The following ITPR1 variants were observed in gnomAD, a reference collection of about 807,000 sequenced individuals.
ITPR1 encodes the protein inositol 1,4,5-trisphosphate receptor type 1, also known as inositol 1,4,5-trisphosphate-gated calcium channel ITPR1.
A neutral mutation model predicts 318.4 loss-of-function variants in ITPR1; 96 were observed. The ratio of observed to expected loss-of-function variants is 0.30; its 90% CI spans 0.26 to 0.36. The LOEUF is 0.36. Ranked by LOEUF, ITPR1 falls within the 10% of genes least tolerant of loss-of-function variation. The probability of loss-of-function intolerance (pLI) is 1.00; values close to 1 mark genes in which losing one functional copy is unlikely to be tolerated. For synonymous variants in ITPR1, 1,312 were observed against 1,289.9 expected, an observed-to-expected ratio of 1.02 and a Z score of -0.37; for missense variants, 2,440 against 3,460.2, an observed-to-expected ratio of 0.71 and a Z score of 7.40.
chr3:4,691,878 G>A (rs975881669), intron 32 of ITPR1, among the ~76,000 whole-genome samples: 14 of 152,180 alleles, frequency 9.2e-5, no homozygotes, highest in Non-Finnish European at 1.5e-4. Flanking sequence ...TGAGGCCAAC[G>A]TGGTGGCTCA....
In ITPR1 at chr3:4,735,325, C is replaced by T; in HGVS notation, c.5515C>T (p.Leu1839Phe). ...TGAAAGCATTCTCCTGGCCATTGCCCTTCTGGAAGGAGGCAACACCACCAT... is the reference window on the plus strand; with the variant it reads ...TGAAAGCATTCTCCTGGCCATTGCCTTTCTGGAAGGAGGCAACACCACCAT... ...FHESILLAIA[L>F]LEGGNTTIQH... The change falls in exon 44 of 62, where the codon CTT becomes TTT. Residue 1839 changes from leucine to phenylalanine, a missense_variant. By Grantham distance (22) the Leu-to-Phe change is conservative (BLOSUM62 0). Transcript: ENST00000649015. The T allele has an allele frequency of 6.2e-7, 1 of 1,613,928 alleles. No homozygotes were observed. Among genetic ancestry groups the T allele is most frequent in the African/African-American group, 1.3e-5 (1 of 75,016 alleles).
rs373123594 is a variant in ITPR1 at position 4,675,019 on chromosome 3, G to A, written c.2599-49G>A. The A allele has an allele frequency of 2.7e-5, 27 of 985,456 alleles. No individual in the cohort carries two copies. The African/African-American group carries it at 3.3e-4, about 12-fold the overall frequency. The allele number at this position is 985,456 out of a possible 1,614,324, so 61.0% of individuals were successfully genotyped here. ...GGTCAACATCAAATGGAATTGAAGG[G>A]GATGCAGTTTATGTAATACCGTCTT... is the stretch of plus-strand genomic sequence containing the variant. On this transcript the variant is annotated intron_variant, in intron 22 of 61. Transcript: ENST00000649015.
intron 4 of ITPR1, among the ~76,000 whole-genome samples, chr3:4,589,750 T>C: frequency 6.9e-6 from 1 of 145,338 alleles, no homozygotes; most frequent in South Asian, 2.3e-4. Context: ...CTCATTAAGA[T>C]TACCCAGAAG....
chr3:4,574,797 A>G (rs2088446986), intron 4 of ITPR1, among the ~76,000 whole-genome samples: 1 of 152,222 alleles, frequency 6.6e-6, no homozygotes. Flanking sequence ...GCCTGTTCCC[A>G]CCGCCTCATG....
intron 20 of ITPR1, among the ~76,000 whole-genome samples, chr3:4,672,223 A>G (rs2094102999): frequency 6.6e-6 from 1 of 152,212 alleles, no homozygotes; most frequent in South Asian, 2.1e-4. Context: ...TTACTAAGCA[A>G]TTCTAAATTG....
chr3:4,800,781 G>A (rs542884776), intron 54 of ITPR1, among the ~76,000 whole-genome samples, 181 bp downstream of exon 54: 2 of 152,310 alleles, frequency 1.3e-5, no homozygotes, highest in African/African-American at 2.4e-5. Context: ...TGACCTCCGC[G>A]TGGTGCAGTG....
At chr3:4,572,381 T>TA (rs1244489341) in intron 4 of ITPR1, among the ~76,000 whole-genome samples, 1 of 152,176 alleles carries the variant, frequency 6.6e-6, no homozygotes, top group African/African-American at 2.4e-5. Flanking sequence ...AATCCTTGGT[T>TA]AAATATTCAT....
At chr3:4,699,760 A>G in intron 34 of ITPR1, 53 bp from the exon 35 acceptor site, 11 of 1,581,870 alleles carry the variant, frequency 7.0e-6, no homozygotes, top group Non-Finnish European at 8.6e-6. Context: ...CAGATTTCTT[A>G]ATGTTTGGTG....
At chr3:4,580,306 G>A (rs1046313831) in intron 4 of ITPR1, among the ~76,000 whole-genome samples, 3 of 152,168 alleles carry the variant, frequency 2.0e-5, no homozygotes, top group Non-Finnish European at 4.4e-5. Flanking sequence ...TCAGGAGTGA[G>A]GAGGAAGGTT....
chr3:4,824,618 G>A (rs776729058), intron 60 of ITPR1, among the ~76,000 whole-genome samples: 7 of 152,118 alleles, frequency 4.6e-5, no homozygotes, highest in Non-Finnish European at 1.0e-4. Context: ...GACCCCGAGT[G>A]ATACTGAATT....
intron 40 of ITPR1, among the ~76,000 whole-genome samples, chr3:4,722,009 A>C (rs1449522353): frequency 6.6e-6 from 1 of 152,220 alleles, no homozygotes; most frequent in African/African-American, 2.4e-5. Flanking sequence ...TATGTGTTGC[A>C]AGTGAGTAGA....
In ITPR1 at chr3:4,811,409, G is replaced by T. The variant is rs1306425327; in HGVS notation, c.7417G>T (p.Asp2473Tyr). Residue 2473 changes from aspartate to tyrosine, a missense_variant, in exon 56 of 62, where the codon GAT (aspartate) becomes TAT (tyrosine). By Grantham distance (160) the Asp-to-Tyr change is radical. This residue lies in a region of ITPR1 where 88 missense variants were observed against 90.5 expected (regional missense o/e 0.97). Transcript: ENST00000649015. ...FSIVGYLFFK[D>Y]DFILEVDRLP... ...AATAGTGGGCTATCTTTTCTTCAAG[G>T]ATGACTTTATCTTGGAAGTAGATAG... 2 of 1,613,988 alleles carry T rather than the reference G, an allele frequency of 1.2e-6. No individual in the cohort carries two copies. Among genetic ancestry groups the T allele is most frequent in the Admixed American group, 3.3e-5 (2 of 60,022 alleles).
At position 4,795,132 on chromosome 3, in the gene ITPR1, C is replaced by G. The variant is rs373926844; in HGVS notation, c.6876C>G (p.Ala2292=). 2.5e-6 allele frequency: 4 copies of G among 1,613,678 alleles called. No homozygotes were observed. The highest frequency in any genetic ancestry group is 3.4e-6 in the Non-Finnish European group (4 of 1,179,830). ...SFWSSISFNL[A]VLMNLLVAFF... is the part of the protein sequence containing the mutation. ...GGAGCAGCATTTCGTTTAACCTGGC[C>G]GTCCTGATGAACCTGCTGGTGGCGT... Residue 2292 remains alanine, a synonymous_variant, in exon 53 of 62, where the codon GCC becomes GCG. Transcript: ENST00000649015.
At position 4,683,439 on chromosome 3, in the gene ITPR1, G is replaced by T; in HGVS notation, c.3215G>T (p.Arg1072Leu). Residue 1072 changes from arginine to leucine, a missense_variant, in exon 27 of 62, where the codon CGT (arginine) becomes CTT (leucine). Arg to Leu is a moderately radical substitution (Grantham distance 102, BLOSUM62 -2). Around this residue, in one of 23 missense-constraint regions of ITPR1, gnomAD observed 76 missense variants for 132.2 expected, o/e 0.58. Coordinates refer to ENST00000649015, the MANE Select transcript of ITPR1 (RefSeq NM_001378452.1). ...LDDHGGRTFLRVLLHLTMHDY... is the reference protein window; with the variant it reads ...LDDHGGRTFLLVLLHLTMHDY... ...GACCACGGCGGCAGAACCTTTCTCC[G>T]TGTCCTGCTCCACTTGACGATGCAT... is the stretch of plus-strand genomic sequence containing the variant. The T allele has an allele frequency of 6.2e-7, 1 of 1,614,012 alleles. No individual in the cohort carries two copies. Among genetic ancestry groups the T allele is most frequent in the Non-Finnish European group, 8.5e-7 (1 of 1,179,886 alleles).
chr3:4,494,702 A>C (rs304073), intron 2 of ITPR1, among the ~76,000 whole-genome samples, 196 bp downstream of exon 2: 51,368 of 152,138 alleles, frequency 0.34, 9,112 homozygotes, highest in Admixed American at 0.4. Flanking sequence ...GTTTCTTGGA[A>C]GTAGCTGAGA....
At position 4,715,412 on chromosome 3, in the gene ITPR1, C is replaced by T. The variant is rs56212554; in HGVS notation, c.5104-1955C>T. Among the ~76,000 whole-genome samples the T allele has an allele frequency of 9.2e-3, 1,407 of 152,316 alleles. 16 individuals carry two copies. The highest frequency in any genetic ancestry group is 0.041 in the Middle Eastern group (12 of 294). ...ACAGTTGAGAACACTCTCCAATAGA[C>T]GCCAAGTGCATTTACAAAGTGTGAT... On this transcript the variant is annotated intron_variant, in intron 39 of 61. Coordinates refer to ENST00000649015, the MANE Select transcript of ITPR1 (RefSeq NM_001378452.1).
Position 4,846,276 on chromosome 3 carries a change from G to A in ITPR1, c.*51G>A, listed in dbSNP as rs2051773946. 4 of 1,250,956 alleles carry A rather than the reference G, an allele frequency of 3.2e-6. No homozygotes were observed. The highest frequency in any genetic ancestry group is 2.3e-6 in the Non-Finnish European group (2 of 877,944). The allele number at this position is 1,250,956 out of a possible 1,614,324, so 77.5% of individuals were successfully genotyped here. A position where few individuals can be genotyped will look rare whatever the true frequency, so the allele number is the denominator to read the frequency against. Reference sequence around the variant, plus strand: ...TACCTTTTATAATTATTATTAGTGTGGGTATGGCTAATGAGTTCTGATTCA... The same window carrying A: ...TACCTTTTATAATTATTATTAGTGTAGGTATGGCTAATGAGTTCTGATTCA... On this transcript the variant is annotated 3_prime_UTR_variant, in exon 62 of 62. Coordinates refer to ENST00000649015, the MANE Select transcript of ITPR1 (RefSeq NM_001378452.1).
intron 59 of ITPR1, chr3:4,816,025 T>C (rs1407195391): frequency 1.3e-5 from 2 of 151,944 alleles, no homozygotes; most frequent in African/African-American, 2.4e-5. Flanking sequence ...CATTTTCTAA[T>C]GTGAGTGGCT....
intron 4 of ITPR1, among the ~76,000 whole-genome samples, chr3:4,592,724 T>C (rs968634654): frequency 1.3e-5 from 2 of 152,164 alleles, no homozygotes; most frequent in Non-Finnish European, 2.9e-5. Flanking sequence ...TTAGCTGTGT[T>C]AGTGGAAGGT....
Sources: gnomAD v4.1 joint callset for allele counts (sites outside exome capture counted in the v4.1 genomes callset) on GRCh38, gnomAD v4.1.1 for gene constraint, gnomAD v4.1.1 regional missense constraint, MANE v1.5 for transcripts, NCBI Gene and HGNC (gene_info 2026-07-23, HGNC 2026-07-21) for gene names.